The following PPARGC1B variants were observed in gnomAD, a reference collection of about 807,000 sequenced individuals.
PPARGC1B encodes the protein PPARG coactivator 1 beta, also known as peroxisome proliferator-activated receptor gamma coactivator 1-beta.
Under a neutral mutation model 101.6 loss-of-function variants are expected in PPARGC1B, and 34 were observed. That is an observed-to-expected ratio of 0.33 (90% confidence interval 0.25 to 0.45). The LOEUF (loss-of-function observed/expected upper bound fraction) is 0.45, where lower values mean the gene tolerates loss of function less well. Among genes scored for constraint, PPARGC1B ranks in the 20% least tolerant of loss-of-function variants. The pLI, the probability that PPARGC1B is intolerant of heterozygous loss-of-function variation, is 1.00. For synonymous variants in PPARGC1B, 548 were observed against 539.3 expected (o/e 1.02, Z -0.22); for missense variants, 1,234 against 1,317.6 (o/e 0.94, Z 0.98).
intron 7 of PPARGC1B, among the ~76,000 whole-genome samples, chr5:149,836,038 C>G (rs1441543293): frequency 6.7e-6 from 1 of 150,064 alleles, no homozygotes; most frequent in East Asian, 2.0e-4. Context: ...GCTCACTGCA[C>G]CAACAAGCCT....
chr5:149,817,663 C>T (rs956547384), intron 1 of PPARGC1B: 1 of 454,954 alleles, frequency 2.2e-6, no homozygotes, highest in African/African-American at 2.0e-5. Context: ...CAGTGCCTGG[C>T]TCATAGTAGC....
Position 149,854,416 on chromosome 5 carries a change from T to C in PPARGC1B, c.*6858T>C, listed in dbSNP as rs1581136261. ...GTGTGTGTGTGTGTGTGGAATTACA[T>C]TGATGCATTTATTGAGAAAGGTGCA... On this transcript the variant is annotated 3_prime_UTR_variant, in exon 12 of 12. Coordinates refer to ENST00000309241, the MANE Select transcript of PPARGC1B (RefSeq NM_133263.4). The C allele has an allele frequency of 2.6e-5, 4 of 152,152 alleles. No homozygotes were observed. In the East Asian group the frequency reaches 5.8e-4, roughly 22 times the overall value. 9.4% of individuals were successfully genotyped at this position (152,152 alleles called of 1,614,324 possible). A position where few individuals can be genotyped will look rare whatever the true frequency, so the allele number is the denominator to read the frequency against.
At position 149,832,935 on chromosome 5, in the gene PPARGC1B, G is replaced by T. The variant is rs1379135582; in HGVS notation, c.862G>T (p.Val288Leu). 5 of 1,613,182 alleles carry T rather than the reference G, an allele frequency of 3.1e-6. No homozygotes were observed. Among genetic ancestry groups the T allele is most frequent in the Non-Finnish European group, 3.4e-6 (4 of 1,180,018 alleles). Residue 288 changes from valine (V) to leucine (L), a missense_variant, in exon 5 of 12, where the codon GTG becomes TTG. Physicochemically the swap from Val to Leu is conservative, Grantham distance 32. This residue lies in a region of PPARGC1B where 734 missense variants were observed against 768.4 expected (regional missense o/e 0.96). Transcript: ENST00000309241. This position sits in a 1 kb window ranked among gnomAD's most constrained non-coding sequence, Gnocchi z 4.9. Reference sequence around the variant, plus strand: ...TTCCCAGGAAGACATGCAGGCGATGGTGCAACTCATACGCTACATGCACAC... The same window carrying T: ...TTCCCAGGAAGACATGCAGGCGATGTTGCAACTCATACGCTACATGCACAC... The part of the protein sequence containing the change: ...PVSQEDMQAM[V>L]QLIRYMHTYC...
At chr5:149,801,987 C>T (rs1236761669) in intron 1 of PPARGC1B, among the ~76,000 whole-genome samples, 1 of 152,162 alleles carries the variant, frequency 6.6e-6, no homozygotes, top group African/African-American at 2.4e-5. Flanking sequence ...TGGGTGTACC[C>T]TATTTTACTG....
At position 149,820,624 on chromosome 5, in the gene PPARGC1B, T is replaced by C; in HGVS notation, c.252+18T>C. ...TCTTCCAGGTATGCCCTTTCCAGTC[T>C]CCCCTCCTCCCACCCTGCCAGGCCT... On this transcript the variant is annotated intron_variant, in intron 2 of 11. Transcript: ENST00000309241. 6.3e-7 allele frequency: 1 copy of C among 1,593,040 alleles called. No individual in the cohort carries two copies.
chr5:149,745,153 G>A (rs777778500), intron 1 of PPARGC1B, among the ~76,000 whole-genome samples: 35 of 151,924 alleles, frequency 2.3e-4, no homozygotes, highest in Non-Finnish European at 3.2e-4. Context: ...CTATTGCCTC[G>A]GCCTCCCAAA....
At chr5:149,814,277 T>A (rs547900633) in intron 1 of PPARGC1B, among the ~76,000 whole-genome samples, 11 of 152,216 alleles carry the variant, frequency 7.2e-5, no homozygotes, top group Non-Finnish European at 1.6e-4. Flanking sequence ...CTCAAGACAG[T>A]CCTTCTTTCT....
At chr5:149,762,095 A>G (rs768103813) in intron 1 of PPARGC1B, among the ~76,000 whole-genome samples, 3 of 151,336 alleles carry the variant, frequency 2.0e-5, no homozygotes, top group African/African-American at 4.9e-5. Context: ...TGATGGGATA[A>G]GTGCAAGGGC....
chr5:149,756,665 T>G (rs1404066299), intron 1 of PPARGC1B, among the ~76,000 whole-genome samples: 1 of 152,106 alleles, frequency 6.6e-6, no homozygotes, highest in Non-Finnish European at 1.5e-5. Flanking sequence ...CTAAGGAGAT[T>G]TGAGGGTTTT....
At chr5:149,772,859 G>A (rs373625146) in intron 1 of PPARGC1B, among the ~76,000 whole-genome samples, 36 of 152,218 alleles carry the variant, frequency 2.4e-4, no homozygotes, top group Middle Eastern at 3.4e-3. Flanking sequence ...ATTCCTCGGT[G>A]GGGTTTGGTG....
intron 1 of PPARGC1B, chr5:149,817,728 T>G: frequency 2.2e-6 from 1 of 456,596 alleles, no homozygotes; most frequent in South Asian, 1.5e-5. Context: ...TACCAAGTGT[T>G]GGAGAGGGTG....
chr5:149,794,822 C>A (rs181459427), intron 1 of PPARGC1B, among the ~76,000 whole-genome samples: 1 of 152,238 alleles, frequency 6.6e-6, no homozygotes, highest in Non-Finnish European at 1.5e-5. Context: ...CGTTGTCTGC[C>A]CAACACCTGC....
At chr5:149,773,507 C>G (rs1247002400) in intron 1 of PPARGC1B, among the ~76,000 whole-genome samples, 3 of 152,238 alleles carry the variant, frequency 2.0e-5, no homozygotes, top group African/African-American at 7.2e-5. Flanking sequence ...CAGCCTGGCC[C>G]CTGCCTGGCT....
intron 1 of PPARGC1B, among the ~76,000 whole-genome samples, chr5:149,788,462 T>G (rs1293415972): frequency 6.6e-6 from 1 of 152,176 alleles, no homozygotes. Context: ...ATAGGAACAC[T>G]TTTACACTGT....
chr5:149,756,008 C>T (rs955056494), intron 1 of PPARGC1B, among the ~76,000 whole-genome samples: 15 of 152,184 alleles, frequency 9.9e-5, no homozygotes, highest in Admixed American at 8.5e-4. Context: ...GGTTCAAGAC[C>T]TTGCTCTGCC....
chr5:149,807,885 A>G (rs922546635), intron 1 of PPARGC1B, among the ~76,000 whole-genome samples: 6 of 152,126 alleles, frequency 3.9e-5, no homozygotes, highest in African/African-American at 1.4e-4. Context: ...AACTTTCTCC[A>G]TCTAATCCCG....
chr5:149,809,941 A>T (rs932947817), intron 1 of PPARGC1B, among the ~76,000 whole-genome samples: 3 of 151,942 alleles, frequency 2.0e-5, no homozygotes, highest in African/African-American at 7.3e-5. Flanking sequence ...GCTATGGGAG[A>T]TGAAGGAGAG....
At chr5:149,845,576 A>C in intron 10 of PPARGC1B, 184 bp from the exon 11 acceptor site, 1 of 603,090 alleles carries the variant, frequency 1.7e-6, no homozygotes, top group Non-Finnish European at 2.9e-6. Context: ...TCAACATATT[A>C]GCTGCTTTCA....
chr5:149,830,883 G>T lies in PPARGC1B; in HGVS notation c.582G>T (p.Lys194Asn), dbSNP rs761782872. 1 of 1,607,090 alleles carries T rather than the reference G, an allele frequency of 6.2e-7. No individual in the cohort carries two copies. Among genetic ancestry groups the T allele is most frequent in the South Asian group, 1.1e-5 (1 of 90,926 alleles). The change falls in exon 4 of 12, where the codon AAG (lysine) becomes AAT (asparagine). Residue 194 changes from lysine to asparagine, a missense_variant and splice_region_variant. Transcript: ENST00000309241. ...CTAAAAGTCAACGGCCTTGTGTTAA[G>T]GTATTTCTTCACATGCCCCCAAATC... is the stretch of plus-strand genomic sequence containing the variant. ...LRSKSQRPCVKADSTQDKKAP... is the reference protein window; with the variant it reads ...LRSKSQRPCVNADSTQDKKAP...
Sources: allele counts gnomAD v4.1 joint callset (sites outside exome capture counted in the v4.1 genomes callset), GRCh38; gene constraint gnomAD v4.1.1; regional missense constraint gnomAD v4.1.1; non-coding constraint Gnocchi (gnomAD v3.1); transcripts MANE v1.5; gene names NCBI Gene and HGNC (gene_info 2026-07-23, HGNC 2026-07-21).